The following CRHR1 variants were observed in gnomAD, a reference collection of about 807,000 sequenced individuals.
CRHR1 encodes corticotropin releasing hormone receptor 1, also known as corticotropin-releasing hormone receptor 1.
A neutral mutation model predicts 56.0 loss-of-function variants in CRHR1; 28 were observed. The observed-to-expected ratio is 0.50, with a 90% CI of 0.37 to 0.69. The LOEUF is 0.69. CRHR1 is among the 30% of genes least tolerant of loss of function. The pLI is 0.00. For synonymous variants in CRHR1, 195 were observed against 216.5 expected (o/e 0.90, Z 0.87); for missense variants, 376 against 548.0 (o/e 0.69, Z 3.13).
At chr17:45,801,794 CTTTGG>C (rs1478697318) in intron 1 of CRHR1, among the ~76,000 whole-genome samples, 1 of 152,156 alleles carries the variant, frequency 6.6e-6, no homozygotes, top group Non-Finnish European at 1.5e-5. Flanking sequence ...GCCAAAAGCA[CTTTGG>C]TTTGATTTCA....
At position 45,807,086 on chromosome 17, in the gene CRHR1, G is replaced by A; in HGVS notation, c.110G>A (p.Ser37Asn). 6.2e-7 allele frequency: 1 copy of A among 1,614,022 alleles called. No homozygotes were observed. Among genetic ancestry groups the A allele is most frequent in the Non-Finnish European group, 8.5e-7 (1 of 1,179,978 alleles). Reference sequence around the variant, plus strand: ...CACTGCGAGAGCCTGTCCCTGGCCAGCAACATCTCAGGTGAGTCCCCTCAA... The same window carrying A: ...CACTGCGAGAGCCTGTCCCTGGCCAACAACATCTCAGGTGAGTCCCCTCAA... Reference protein sequence around the residue: ...DQHCESLSLASNISGLQCNAS... With the variant: ...DQHCESLSLANNISGLQCNAS... The change falls in exon 2 of 13, where the codon AGC (serine) becomes AAC (asparagine). Residue 37 changes from serine (S) to asparagine (N), a missense_variant. Ser to Asn is a conservative substitution (Grantham distance 46, BLOSUM62 1). Coordinates refer to ENST00000314537, the MANE Select transcript of CRHR1 (RefSeq NM_004382.5).
chr17:45,801,879 G>A (rs1200871198), intron 1 of CRHR1, among the ~76,000 whole-genome samples: 2 of 152,182 alleles, frequency 1.3e-5, no homozygotes, highest in African/African-American at 2.4e-5. Context: ...GTTTCAGGGT[G>A]CTAGTTGTTG....
In CRHR1 at chr17:45,834,902, G is replaced by GT; in HGVS notation, c.*138_*139insT. 1 of 1,128,480 alleles carries GT rather than the reference G, an allele frequency of 8.9e-7. No homozygotes were observed. The highest frequency in any genetic ancestry group is 1.2e-6 in the Non-Finnish European group (1 of 805,752). 69.9% of individuals were successfully genotyped at this position (1,128,480 alleles called of 1,614,324 possible). ...CAGGAGCAGCTGGCACTGACAGCCTGGGGGGGCCGCTCTCCCCCTGCAGCC... is the reference window on the plus strand; with the variant it reads ...CAGGAGCAGCTGGCACTGACAGCCTGTGGGGGGCCGCTCTCCCCCTGCAGCC... On this transcript the variant is annotated 3_prime_UTR_variant, in exon 13 of 13. Transcript: ENST00000314537.
intron 1 of CRHR1, among the ~76,000 whole-genome samples, chr17:45,788,633 T>C (rs957919768): frequency 6.6e-6 from 1 of 152,226 alleles, no homozygotes; most frequent in African/African-American, 2.4e-5. Flanking sequence ...GAACAGTGCC[T>C]GGCACAGTCT....
At chr17:45,806,410 A>G (rs1598413963) in intron 1 of CRHR1, among the ~76,000 whole-genome samples, 1 of 152,360 alleles carries the variant, frequency 6.6e-6, no homozygotes, top group East Asian at 1.9e-4. Flanking sequence ...CACCAACCCC[A>G]GGGAAAATTT....
chr17:45,799,070 G>A (rs1012512073), intron 1 of CRHR1, among the ~76,000 whole-genome samples: 3 of 152,208 alleles, frequency 2.0e-5, no homozygotes, highest in African/African-American at 7.2e-5. Context: ...GCAGTCAAGA[G>A]GGCTGAGAAA....
chr17:45,818,127 G>C (rs773065115), intron 3 of CRHR1, among the ~76,000 whole-genome samples: 4 of 152,142 alleles, frequency 2.6e-5, no homozygotes, highest in Non-Finnish European at 5.9e-5. Flanking sequence ...AGTGATCCTC[G>C]TGTCTGGGCC....
At position 45,814,175 on chromosome 17, in the gene CRHR1, A is replaced by G. The variant is rs539975723; in HGVS notation, c.122-2288A>G. 7.2e-5 allele frequency among the ~76,000 whole-genome samples: 11 copies of G among 152,378 alleles called. No individual in the cohort carries two copies. The East Asian group carries it at 7.7e-4, about 11-fold the overall frequency. Reference sequence around the variant, plus strand: ...GTTCATTCCAGACGCTGCCACATGGAACATTACATTTGAGCCTAGCTCCCT... The same window carrying G: ...GTTCATTCCAGACGCTGCCACATGGGACATTACATTTGAGCCTAGCTCCCT... On this transcript the variant is annotated intron_variant, in intron 2 of 12. Coordinates refer to ENST00000314537, the MANE Select transcript of CRHR1 (RefSeq NM_004382.5).
chr17:45,820,898 G>C (rs867977259), intron 3 of CRHR1, among the ~76,000 whole-genome samples: 10 of 152,212 alleles, frequency 6.6e-5, no homozygotes, highest in South Asian at 2.1e-4. Flanking sequence ...TGCCACGCGA[G>C]CTGTCACCGC....
At chr17:45,819,892 C>T (rs550198454) in intron 3 of CRHR1, among the ~76,000 whole-genome samples, 329 of 152,342 alleles carry the variant, frequency 2.2e-3, no homozygotes, top group African/African-American at 7.5e-3. Flanking sequence ...GACGGGCTCC[C>T]TATCATCACC....
chr17:45,830,669 G>T, intron 7 of CRHR1, 99 bp downstream of exon 7: 1 of 1,470,746 alleles, frequency 6.8e-7, no homozygotes, highest in Non-Finnish European at 9.1e-7. Flanking sequence ...CTGAGGGATG[G>T]AGGTCGGGTT....
chr17:45,833,384 C>A, intron 9 of CRHR1, 68 bp from the exon 10 acceptor site: 1 of 1,547,408 alleles, frequency 6.5e-7, no homozygotes, highest in Non-Finnish European at 8.9e-7. Flanking sequence ...GGCACTGAGG[C>A]CAGAGCTGAG....
intron 1 of CRHR1, among the ~76,000 whole-genome samples, chr17:45,806,395 A>G (rs1006389990): frequency 6.6e-6 from 1 of 152,256 alleles, no homozygotes; most frequent in Non-Finnish European, 1.5e-5. Flanking sequence ...AAATAGGCAC[A>G]GCCACACCAA....
intron 1 of CRHR1, among the ~76,000 whole-genome samples, chr17:45,792,941 TAAC>T (rs1386066767): frequency 6.6e-6 from 1 of 151,944 alleles, no homozygotes; most frequent in African/African-American, 2.4e-5. Context: ...AACAAAAAAA[TAAC>T]AAAACCTCTG....
intron 4 of CRHR1, among the ~76,000 whole-genome samples, chr17:45,824,248 G>A (rs1402019378): frequency 6.6e-6 from 1 of 152,168 alleles, no homozygotes; most frequent in African/African-American, 2.4e-5. Flanking sequence ...AACAGGGCTG[G>A]TGCTCAGAGG....
intron 1 of CRHR1, among the ~76,000 whole-genome samples, chr17:45,805,971 G>T (rs952474290): frequency 3.9e-5 from 6 of 152,220 alleles, no homozygotes; most frequent in African/African-American, 1.4e-4. Context: ...CCCCTACAGA[G>T]CATGCAGGGC....
In CRHR1 at chr17:45,787,175, G is replaced by A. The variant is rs151280772; in HGVS notation, c.33+2598G>A. ...TCCTGGGGGAAAATGTGTGTGAATG[G>A]GGAGAGACAGGGTGTGTGAAAGTGT... On this transcript the variant is annotated intron_variant, in intron 1 of 12. Coordinates refer to ENST00000314537, the MANE Select transcript of CRHR1 (RefSeq NM_004382.5). Among the ~76,000 whole-genome samples the A allele has an allele frequency of 1.7e-3, 254 of 152,292 alleles. 4 individuals are homozygous for A. The highest frequency in any genetic ancestry group is 3.7e-4 in the Non-Finnish European group (25 of 68,024).
At chr17:45,794,276 A>G (rs551804064) in intron 1 of CRHR1, among the ~76,000 whole-genome samples, 89 of 152,380 alleles carry the variant, frequency 5.8e-4, no homozygotes, top group African/African-American at 1.7e-3. Flanking sequence ...ATGGATTCAC[A>G]TGAAATGCTT....
intron 1 of CRHR1, chr17:45,800,645 C>T (rs1246078052): frequency 6.6e-6 from 1 of 152,306 alleles, no homozygotes; most frequent in Non-Finnish European, 1.5e-5. Context: ...GCCACACAGC[C>T]AGTGACAGGA....
Sources: gnomAD v4.1 joint callset for allele counts (sites outside exome capture counted in the v4.1 genomes callset) on GRCh38, gnomAD v4.1.1 for gene constraint, MANE v1.5 for transcripts, NCBI Gene and HGNC (gene_info 2026-07-23, HGNC 2026-07-21) for gene names.